Variants in ACER3 observed in about 807,000 individuals in gnomAD.
The protein encoded by ACER3 is alkaline ceramidase 3, also known as alkCDase 3.
Under a neutral mutation model 48.9 loss-of-function variants are expected in ACER3, and 16 were observed. The ratio of observed to expected loss-of-function variants is 0.33; its 90% CI spans 0.22 to 0.50. The LOEUF is 0.50. Among genes scored for constraint, ACER3 ranks in the 20% least tolerant of loss-of-function variants. The pLI is 0.98. For missense variants in ACER3, 227 were observed against 326.0 expected (o/e 0.70, Z 2.34); for synonymous variants, 109 against 107.8 (o/e 1.01, Z -0.07).
chr11:76,961,620 A>G (rs2135056694), intron 3 of ACER3, among the ~76,000 whole-genome samples: 1 of 151,716 alleles, frequency 6.6e-6, no homozygotes, highest in East Asian at 1.9e-4. Flanking sequence ...AGGCTCAAAA[A>G]ATTATGGGAA....
chr11:77,003,093 C>T (rs1418134265), intron 7 of ACER3, among the ~76,000 whole-genome samples: 1 of 152,078 alleles, frequency 6.6e-6, no homozygotes, highest in African/African-American at 2.4e-5. Context: ...GATCTATATA[C>T]TTTAAAAGGG....
intron 5 of ACER3, among the ~76,000 whole-genome samples, chr11:76,987,438 G>A (rs1948708279): frequency 6.6e-6 from 1 of 152,150 alleles, no homozygotes; most frequent in South Asian, 2.1e-4. Context: ...GCTTTTGCAG[G>A]ATAGATAATG....
At chr11:76,867,494 A>AG (rs1454304532) in intron 1 of ACER3, among the ~76,000 whole-genome samples, 2 of 39,866 alleles carry the variant, frequency 5.0e-5, no homozygotes, top group Non-Finnish European at 9.9e-5. Flanking sequence ...AAAAAAAAAA[A>AG]AAAGAAAGAA....
chr11:76,975,052 G>A (rs139875870), intron 3 of ACER3, among the ~76,000 whole-genome samples: 3,336 of 152,296 alleles, frequency 0.022, 60 homozygotes, highest in Admixed American at 0.038. Flanking sequence ...TAATTTACCA[G>A]AATGAATCAT....
chr11:76,945,487 G>A (rs1482538947), intron 2 of ACER3, among the ~76,000 whole-genome samples: 1 of 152,138 alleles, frequency 6.6e-6, no homozygotes, highest in Non-Finnish European at 1.5e-5. Flanking sequence ...CGGGTTCAGT[G>A]GTATCTGTTA....
chr11:76,899,179 A>G (rs1239758630), intron 1 of ACER3, among the ~76,000 whole-genome samples: 1 of 152,188 alleles, frequency 6.6e-6, no homozygotes, highest in Admixed American at 6.5e-5. Context: ...AAACAACACT[A>G]CTAATATAAT....
chr11:76,934,860 A>T (rs1340116052), intron 2 of ACER3, among the ~76,000 whole-genome samples: 4 of 152,192 alleles, frequency 2.6e-5, no homozygotes, highest in African/African-American at 4.8e-5. Context: ...GCCTATTTCC[A>T]TGTAAAATTA....
chr11:77,005,563 A>G (rs993502946), intron 7 of ACER3, among the ~76,000 whole-genome samples: 6 of 152,068 alleles, frequency 3.9e-5, no homozygotes, highest in Non-Finnish European at 7.4e-5. Context: ...TCTCAGGGCC[A>G]TGCTCCCTCT....
chr11:77,021,605 T>G lies in ACER3; in HGVS notation c.*1278T>G, dbSNP rs1949473706. On this transcript the variant is annotated 3_prime_UTR_variant, in exon 11 of 11. Coordinates refer to ENST00000532485, the MANE Select transcript of ACER3 (RefSeq NM_018367.7). The stretch of plus-strand genomic sequence containing the variant: ...TTAGCATTTTTATGACTTTTTTTGC[T>G]TTATATAAATTATTGTAAAATCCAG... 1 of 152,198 alleles carries G rather than the reference T, an allele frequency of 6.6e-6. No individual in the cohort carries two copies. Among genetic ancestry groups the G allele is most frequent in the South Asian group, 2.1e-4 (1 of 4,828 alleles). The allele number at this position is 152,198 out of a possible 1,614,324, so 9.4% of individuals were successfully genotyped here.
At chr11:77,020,037 A>G (rs1029270064) in intron 10 of ACER3, among the ~76,000 whole-genome samples, 5 of 152,230 alleles carry the variant, frequency 3.3e-5, no homozygotes, top group African/African-American at 1.2e-4. Context: ...TTATATGCCC[A>G]GCTCCATGCT....
intron 1 of ACER3, among the ~76,000 whole-genome samples, chr11:76,868,736 C>CTA (rs1945167409): frequency 6.6e-6 from 1 of 152,198 alleles, no homozygotes; most frequent in Non-Finnish European, 1.5e-5. Flanking sequence ...TAATATTAGA[C>CTA]TATACCTTTT....
At chr11:76,919,581 A>G (rs965728651) in intron 1 of ACER3, among the ~76,000 whole-genome samples, 1 of 152,226 alleles carries the variant, frequency 6.6e-6, no homozygotes, top group Non-Finnish European at 1.5e-5. Context: ...AAAGTGTTCA[A>G]AATATTTTAG....
chr11:76,961,434 A>G (rs1481929500), intron 3 of ACER3, among the ~76,000 whole-genome samples: 1 of 152,106 alleles, frequency 6.6e-6, no homozygotes, highest in Non-Finnish European at 1.5e-5. Flanking sequence ...TCTGTCCATG[A>G]GAGGATCTGG....
At chr11:76,882,403 G>A (rs1446148752) in intron 1 of ACER3, among the ~76,000 whole-genome samples, 1 of 152,058 alleles carries the variant, frequency 6.6e-6, no homozygotes, top group Non-Finnish European at 1.5e-5. Context: ...CTATTTGTCT[G>A]TTAGGTCCAT....
At chr11:76,935,533 C>T (rs1028366307) in intron 2 of ACER3, among the ~76,000 whole-genome samples, 7 of 152,080 alleles carry the variant, frequency 4.6e-5, no homozygotes, top group Non-Finnish European at 1.0e-4. Context: ...ATTAGACTGG[C>T]ATCAGACCTT....
chr11:77,009,602 G>GCAGTC (rs1555021685), intron 7 of ACER3, among the ~76,000 whole-genome samples: 2 of 152,144 alleles, frequency 1.3e-5, no homozygotes, highest in Non-Finnish European at 2.9e-5. Flanking sequence ...TTGAGCCCAG[G>GCAGTC]CATTCAAGAC....
chr11:76,973,373 G>T lies in ACER3; in HGVS notation c.268-2916G>T, dbSNP rs796788850. On this transcript the variant is annotated intron_variant, in intron 3 of 10. Transcript: ENST00000532485. ...GCCTGGCCCTGCTTTTGCTGGGACT[G>T]CTGCAGTAGCCTGGTGAGCCTGACT... 2.0e-5 allele frequency among the ~76,000 whole-genome samples: 3 copies of T among 152,190 alleles called. No individual in the cohort carries two copies. The East Asian group carries it at 5.8e-4, about 29-fold the overall frequency.
chr11:76,934,186 C>T (rs1268806222), intron 2 of ACER3, among the ~76,000 whole-genome samples: 16 of 151,748 alleles, frequency 1.1e-4, no homozygotes, highest in Admixed American at 5.9e-4. Context: ...CGGGCAGAGA[C>T]GCTCCTCACT....
intron 1 of ACER3, among the ~76,000 whole-genome samples, chr11:76,892,359 A>G (rs557186280): frequency 6.6e-6 from 1 of 152,280 alleles, no homozygotes; most frequent in South Asian, 2.1e-4. Context: ...AAAAATAAAA[A>G]CCAGGTTTTA....
Sources: allele counts gnomAD v4.1 joint callset (sites outside exome capture counted in the v4.1 genomes callset), GRCh38; gene constraint gnomAD v4.1.1; transcripts MANE v1.5; gene names NCBI Gene and HGNC (gene_info 2026-07-23, HGNC 2026-07-21).